ALPK2: variants seen among roughly 807,000 people sequenced by gnomAD.
ALPK2 encodes alpha-protein kinase 2.
A neutral mutation model predicts 163.1 loss-of-function variants in ALPK2; 127 were observed. The observed-to-expected ratio is 0.78, with a 90% CI of 0.67 to 0.90. ALPK2 has a LOEUF of 0.90. ALPK2 is among the 40% of genes least tolerant of loss of function. ALPK2 has a pLI of 0.00. For synonymous variants in ALPK2, 953 were observed against 959.1 expected, an observed-to-expected ratio of 0.99 and a Z score of 0.12; for missense variants, 2,360 against 2,589.6, an observed-to-expected ratio of 0.91 and a Z score of 1.92.
rs535244429 is a variant in ALPK2 at position 58,537,893 on chromosome 18, C to T, written c.2294G>A (p.Arg765His). The T allele has an allele frequency of 2.2e-5, 36 of 1,614,172 alleles. No homozygotes were observed. Among genetic ancestry groups the T allele is most frequent in the Admixed American group, 6.7e-5 (4 of 60,028 alleles). ...VFSRHLPKDA[R>H]ADFREPVAVS... ...AGCCACAGGCTCCCTGAAGTCAGCA[C>T]GAGCATCCTTGGGGAGATGCCTTGA... Residue 765 changes from arginine to histidine, a missense_variant, in exon 5 of 13, where the codon CGT becomes CAT. Physicochemically the swap from Arg to His is conservative, Grantham distance 29. Transcript: ENST00000361673.
Position 58,537,464 on chromosome 18 carries a change from C to G in ALPK2, c.2723G>C (p.Gly908Ala). The change falls in exon 5 of 13, where the codon GGA becomes GCA. Residue 908 changes from glycine to alanine, a missense_variant. Coordinates refer to ENST00000361673, the MANE Select transcript of ALPK2 (RefSeq NM_052947.4). ...ATTCTCCACCTTGGCTAGATTTTCTCCTGTGGCACCTTCACTAGCTGTGTG... is the reference window on the plus strand; with the variant it reads ...ATTCTCCACCTTGGCTAGATTTTCTGCTGTGGCACCTTCACTAGCTGTGTG... ...ISHTASEGAT[G>A]ENLAKVENST... is the part of the protein sequence containing the mutation. 6.2e-7 allele frequency: 1 copy of G among 1,611,946 alleles called. No individual in the cohort carries two copies. Among genetic ancestry groups the G allele is most frequent in the Non-Finnish European group, 8.5e-7 (1 of 1,178,520 alleles).
chr18:58,506,100 C>T (rs2051460456), intron 10 of ALPK2, among the ~76,000 whole-genome samples: 1 of 152,172 alleles, frequency 6.6e-6, no homozygotes, highest in Non-Finnish European at 1.5e-5. Flanking sequence ...CCAGCCCTGT[C>T]CCTGAGTTCC....
chr18:58,590,548 AGTC>A (rs1333935634), intron 3 of ALPK2, among the ~76,000 whole-genome samples: 1 of 152,176 alleles, frequency 6.6e-6, no homozygotes, highest in Non-Finnish European at 1.5e-5. Flanking sequence ...ACCAGGTGAA[AGTC>A]ATCATTATTT....
rs143362387 is a variant in ALPK2 at position 58,536,958 on chromosome 18, G to A, written c.3229C>T (p.Pro1077Ser). 14 of 1,614,090 alleles carry A rather than the reference G, an allele frequency of 8.7e-6. No individual in the cohort carries two copies. In the African/African-American group the frequency reaches 1.1e-4, roughly 12 times the overall value. Residue 1077 changes from proline (P) to serine (S), a missense_variant, in exon 5 of 13, where the codon CCC becomes TCC. Coordinates refer to ENST00000361673, the MANE Select transcript of ALPK2 (RefSeq NM_052947.4). ...KSTKELLCRA[P>S]SVPGVPHHVL... is the part of the protein sequence containing the mutation. ...TGGTGTGGGACTCCTGGCACACTGG[G>A]TGCCCTGCAAAGTAGCTCTTTTGTA...
chr18:58,589,258 T>C (rs1378868970), intron 3 of ALPK2, among the ~76,000 whole-genome samples: 1 of 152,208 alleles, frequency 6.6e-6, no homozygotes, highest in African/African-American at 2.4e-5. Context: ...AAAGAAGACC[T>C]ATGTCTGGGC....
At chr18:58,496,207 C>T (rs1225436035) in intron 12 of ALPK2, among the ~76,000 whole-genome samples, 1 of 152,134 alleles carries the variant, frequency 6.6e-6, no homozygotes, top group Non-Finnish European at 1.5e-5. Context: ...AGGCTACTAT[C>T]AGGAGAAATG....
At position 58,620,269 on chromosome 18, in the gene ALPK2, C is replaced by T. The variant is rs114449471; in HGVS notation, c.-20-8452G>A. Among the ~76,000 whole-genome samples, 241 of 152,250 alleles carry T rather than the reference C, an allele frequency of 1.6e-3. 2 individuals are homozygous for T. Among genetic ancestry groups the T allele is most frequent in the African/African-American group, 5.5e-3 (227 of 41,526 alleles). ...TCACGCCATTGCACTCCAGCTTGGACGACAGAGCGAAGCTCCTTCTCAAAA... is the reference window on the plus strand; with the variant it reads ...TCACGCCATTGCACTCCAGCTTGGATGACAGAGCGAAGCTCCTTCTCAAAA... On this transcript the variant is annotated intron_variant, in intron 1 of 12. Coordinates refer to ENST00000361673, the MANE Select transcript of ALPK2 (RefSeq NM_052947.4).
chr18:58,531,757 G>C (rs1024198976), intron 5 of ALPK2, among the ~76,000 whole-genome samples: 4 of 150,838 alleles, frequency 2.7e-5, no homozygotes, highest in African/African-American at 7.3e-5. Context: ...GGCCAACATG[G>C]TGAAACCCCG....
intron 3 of ALPK2, 23 bp from the exon 4 acceptor site, chr18:58,580,571 A>AT: frequency 6.3e-7 from 1 of 1,587,636 alleles, no homozygotes; most frequent in Non-Finnish European, 8.6e-7. Context: ...GAATATATAG[A>AT]TAAGTTTGCC....
intron 4 of ALPK2, among the ~76,000 whole-genome samples, chr18:58,554,474 A>T (rs1211340935): frequency 6.6e-6 from 1 of 152,226 alleles, no homozygotes; most frequent in African/African-American, 2.4e-5. Flanking sequence ...CCTGATCATA[A>T]GACAGACAGT....
chr18:58,520,697 C>T (rs1367426947), intron 8 of ALPK2, among the ~76,000 whole-genome samples: 1 of 152,138 alleles, frequency 6.6e-6, no homozygotes, highest in Non-Finnish European at 1.5e-5. Flanking sequence ...TTCATTTGGT[C>T]CATCATTCAT....
intron 3 of ALPK2, among the ~76,000 whole-genome samples, chr18:58,601,286 AG>A (rs936336830): frequency 2.0e-5 from 3 of 152,180 alleles, no homozygotes; most frequent in African/African-American, 7.2e-5. Context: ...ATTATAGGCA[AG>A]GGGCAGTCAT....
In ALPK2 at chr18:58,535,246, G is replaced by T; in HGVS notation, c.4941C>A (p.Ser1647Arg). Residue 1647 changes from serine (S) to arginine (R), a missense_variant, in exon 5 of 13, where the codon AGC (serine) becomes AGA (arginine). Ser to Arg is a moderately radical substitution (Grantham distance 110). Transcript: ENST00000361673. ...TAAATGCCAAGGTCTTCGCTGAGGAGCTAGATGAGCTTGGGGGTTTGGTTT... is the reference window on the plus strand; with the variant it reads ...TAAATGCCAAGGTCTTCGCTGAGGATCTAGATGAGCTTGGGGGTTTGGTTT... The part of the protein sequence containing the change: ...IGETKPPSSS[S>R]SSAKTLAFIS... 1 of 1,614,116 alleles carries T rather than the reference G, an allele frequency of 6.2e-7. No homozygotes were observed. The highest frequency in any genetic ancestry group is 8.5e-7 in the Non-Finnish European group (1 of 1,180,000).
chr18:58,611,834 T>G lies in ALPK2; in HGVS notation c.-20-17A>C. The G allele has an allele frequency of 8.3e-7, 1 of 1,202,710 alleles. No individual in the cohort carries two copies. Among genetic ancestry groups the G allele is most frequent in the Non-Finnish European group, 1.2e-6 (1 of 851,010 alleles). 74.5% of individuals were successfully genotyped at this position (1,202,710 alleles called of 1,614,324 possible). ...GCACCAAATCTGAAAAAAAAAAAAA[T>G]CCCCGACATCACCATTTGTTCTGGG... is the stretch of plus-strand genomic sequence containing the variant. On this transcript the variant is annotated splice_polypyrimidine_tract_variant and intron_variant, in intron 1 of 12. Coordinates refer to ENST00000361673, the MANE Select transcript of ALPK2 (RefSeq NM_052947.4).
chr18:58,516,528 G>A (rs2051522410), intron 9 of ALPK2, among the ~76,000 whole-genome samples: 1 of 152,048 alleles, frequency 6.6e-6, no homozygotes, highest in East Asian at 1.9e-4. Flanking sequence ...AGCAACTAGT[G>A]CTGATGTTAT....
chr18:58,564,648 C>A lies in ALPK2; in HGVS notation c.1962+14166G>T, dbSNP rs72956624. ...CTTTGTTTGATATTTATTTTGGCAG[C>A]TGATGTAAAATTAGGGATTCACAGG... On this transcript the variant is annotated intron_variant, in intron 4 of 12. Coordinates refer to ENST00000361673, the MANE Select transcript of ALPK2 (RefSeq NM_052947.4). Among the ~76,000 whole-genome samples the A allele has an allele frequency of 2.2e-3, 334 of 151,516 alleles. 2 individuals are homozygous for A. The highest frequency in any genetic ancestry group is 3.3e-3 in the Non-Finnish European group (224 of 67,946).
intron 12 of ALPK2, among the ~76,000 whole-genome samples, chr18:58,495,293 GA>G (rs2051395842): frequency 6.6e-6 from 1 of 152,176 alleles, no homozygotes; most frequent in Non-Finnish European, 1.5e-5. Flanking sequence ...CAAAAGACAA[GA>G]AGATCTAATA....
chr18:58,574,438 CAAAA>C (rs34107333), intron 4 of ALPK2, among the ~76,000 whole-genome samples: 4 of 49,406 alleles, frequency 8.1e-5, no homozygotes, highest in Admixed American at 2.4e-4. Flanking sequence ...GACTCCATCT[CAAAA>C]AAAAAAAAAA....
At position 58,578,975 on chromosome 18, in the gene ALPK2, C is replaced by T. The variant is rs2051938770; in HGVS notation, c.1801G>A (p.Glu601Lys). 6.2e-7 allele frequency: 1 copy of T among 1,614,198 alleles called. No individual in the cohort carries two copies. The highest frequency in any genetic ancestry group is 8.5e-7 in the Non-Finnish European group (1 of 1,180,038). ...TGRSSHADAR[E>K]CAISTQAEQE... ...TCTGCCTGGGTTGAAATAGCACATT[C>T]TCTTGCATCAGCATGGGAACTCCGA... Residue 601 changes from glutamate (E) to lysine (K), a missense_variant, in exon 4 of 13, where the codon GAA (glutamate) becomes AAA (lysine). Transcript: ENST00000361673.
Sources: allele counts gnomAD v4.1 joint callset (sites outside exome capture counted in the v4.1 genomes callset), GRCh38; gene constraint gnomAD v4.1.1; transcripts MANE v1.5; gene names NCBI Gene and HGNC (gene_info 2026-07-23, HGNC 2026-07-21).